EYA4: variants seen among roughly 807,000 people sequenced by gnomAD.
EYA4 encodes the protein EYA transcriptional coactivator and phosphatase 4, also known as protein phosphatase EYA4.
A neutral mutation model predicts 87.9 loss-of-function variants in EYA4; 31 were observed. The observed-to-expected ratio is 0.35, with a 90% confidence interval of 0.27 to 0.48. The LOEUF is 0.48. EYA4 is among the 20% of genes least tolerant of loss of function. EYA4 has a pLI of 0.99. For synonymous variants in EYA4, 263 were observed against 270.6 expected (o/e 0.97, Z 0.28); for missense variants, 678 against 761.4 (o/e 0.89, Z 1.29).
intron 1 of EYA4, among the ~76,000 whole-genome samples, chr6:133,259,555 T>C (rs982704126): frequency 6.6e-6 from 1 of 152,196 alleles, no homozygotes; most frequent in African/African-American, 2.4e-5. Context: ...GGAAAAAGGG[T>C]ACTCAAACTT....
intron 2 of EYA4, among the ~76,000 whole-genome samples, chr6:133,349,086 C>T (rs9402504): frequency 0.27 from 41,678 of 152,096 alleles, 5,863 homozygotes; most frequent in South Asian, 0.38. Flanking sequence ...ATGCACCTGC[C>T]TCAGGGCTTT....
intron 13 of EYA4, among the ~76,000 whole-genome samples, chr6:133,490,582 A>C (rs1161856454): frequency 6.6e-6 from 1 of 151,916 alleles, no homozygotes; most frequent in African/African-American, 2.4e-5. Flanking sequence ...AAGTAAAACA[A>C]AAAAAAACTA....
chr6:133,258,149 C>T (rs1338828941), intron 1 of EYA4, among the ~76,000 whole-genome samples: 1 of 152,106 alleles, frequency 6.6e-6, no homozygotes, highest in Non-Finnish European at 1.5e-5. Flanking sequence ...CTAGTTTGTT[C>T]AAGTGCTTGA....
chr6:133,263,975 T>C (rs1460760112), intron 1 of EYA4, among the ~76,000 whole-genome samples: 1 of 152,200 alleles, frequency 6.6e-6, no homozygotes, highest in Non-Finnish European at 1.5e-5. Flanking sequence ...CCCAAGGGTA[T>C]CTAGGGATTT....
chr6:133,465,047 T>G (rs895324599), intron 10 of EYA4, among the ~76,000 whole-genome samples, 189 bp downstream of exon 10: 4 of 152,172 alleles, frequency 2.6e-5, no homozygotes, highest in African/African-American at 9.6e-5. Flanking sequence ...CTGGCTATTT[T>G]AGATTTTTTG....
At chr6:133,423,648 T>C (rs753771603) in intron 3 of EYA4, among the ~76,000 whole-genome samples, 31 of 152,180 alleles carry the variant, frequency 2.0e-4, no homozygotes, top group Non-Finnish European at 1.0e-4. Context: ...ATCATTAAAA[T>C]CATTAAAAAC....
intron 11 of EYA4, among the ~76,000 whole-genome samples, chr6:133,475,435 A>G (rs374951196): frequency 2.6e-5 from 4 of 152,086 alleles, no homozygotes; most frequent in African/African-American, 9.7e-5. Context: ...AAACATTACA[A>G]TACATTAGCT....
intron 2 of EYA4, among the ~76,000 whole-genome samples, chr6:133,311,468 G>A (rs146603043): frequency 5.8e-4 from 88 of 152,000 alleles, no homozygotes; most frequent in African/African-American, 2.0e-3. Context: ...TGTGACTACG[G>A]GTGTATGCCA....
intron 3 of EYA4, among the ~76,000 whole-genome samples, chr6:133,407,359 T>A (rs1312439880): frequency 2.0e-5 from 3 of 151,560 alleles, no homozygotes; most frequent in Non-Finnish European, 4.4e-5. Context: ...TTGGACTAAA[T>A]GTTGAATGGG....
In EYA4 at chr6:133,528,857, T is replaced by G. The variant is rs1800841759; in HGVS notation, c.*52T>G. On this transcript the variant is annotated 3_prime_UTR_variant, in exon 20 of 20. Transcript: ENST00000355286. Reference sequence around the variant, plus strand: ...TTTTATATTTCAAGTACACTGAATTTTTATGTGTGATTCAATGCCTCTGGC... The same window carrying G: ...TTTTATATTTCAAGTACACTGAATTGTTATGTGTGATTCAATGCCTCTGGC... The G allele has an allele frequency of 2.5e-6, 4 of 1,611,336 alleles. No homozygotes were observed. The highest frequency in any genetic ancestry group is 3.4e-6 in the Non-Finnish European group (4 of 1,177,852).
At chr6:133,468,926 T>C (rs1437783564) in intron 11 of EYA4, among the ~76,000 whole-genome samples, 195 bp downstream of exon 11, 1 of 152,104 alleles carries the variant, frequency 6.6e-6, no homozygotes, top group African/African-American at 2.4e-5. Context: ...ATGGGACAGA[T>C]AGGCGATTTT....
At chr6:133,348,965 ACACAAACAGGCCCT>A in intron 2 of EYA4, among the ~76,000 whole-genome samples, 2 of 152,158 alleles carry the variant, frequency 1.3e-5, no homozygotes, top group African/African-American at 4.8e-5. Flanking sequence ...TTGAGGCTCT[ACACAAACAGGCCCT>A]TAGTTGCACC....
chr6:133,426,416 AT>A (rs1283999513), intron 3 of EYA4, among the ~76,000 whole-genome samples: 4 of 152,162 alleles, frequency 2.6e-5, no homozygotes, highest in African/African-American at 9.7e-5. Context: ...TGCCTCTTGT[AT>A]TTTACTTGTT....
At chr6:133,278,467 C>T (rs1290085920) in intron 2 of EYA4, among the ~76,000 whole-genome samples, 2 of 152,154 alleles carry the variant, frequency 1.3e-5, no homozygotes, top group Admixed American at 6.5e-5. Context: ...TCGTTCATCT[C>T]GTACTCTTAC....
At chr6:133,356,400 T>C (rs181531944) in intron 2 of EYA4, among the ~76,000 whole-genome samples, 1 of 152,336 alleles carries the variant, frequency 6.6e-6, no homozygotes, top group Admixed American at 6.5e-5. Flanking sequence ...TATGAATACA[T>C]ATTTTGATGT....
At chr6:133,310,991 T>A (rs192335558) in intron 2 of EYA4, among the ~76,000 whole-genome samples, 1 of 152,354 alleles carries the variant, frequency 6.6e-6, no homozygotes, top group Admixed American at 6.5e-5. Context: ...GCTCAGACTT[T>A]TCCCCTATAC....
chr6:133,363,547 T>A (rs1262643002), intron 2 of EYA4: 2 of 150,488 alleles, frequency 1.3e-5, no homozygotes, highest in African/African-American at 4.9e-5. Flanking sequence ...CGATCTAGGC[T>A]CACTGCAGGC....
chr6:133,416,239 G>A lies in EYA4; in HGVS notation c.84-30391G>A, dbSNP rs181431181. Among the ~76,000 whole-genome samples, 171 of 152,304 alleles carry A rather than the reference G, an allele frequency of 1.1e-3. 1 individual carries two copies. Among genetic ancestry groups the A allele is most frequent in the South Asian group, 8.3e-3 (40 of 4,826 alleles). ...GAAATTGGAGGCAGGAAAGATAATGGAAGGTTGTTGCATAGTACAGGGAGG... is the reference window on the plus strand; with the variant it reads ...GAAATTGGAGGCAGGAAAGATAATGAAAGGTTGTTGCATAGTACAGGGAGG... On this transcript the variant is annotated intron_variant, in intron 3 of 19. Coordinates refer to ENST00000355286, the MANE Select transcript of EYA4 (RefSeq NM_004100.5).
chr6:133,501,517 G>A (rs17062637), intron 13 of EYA4, among the ~76,000 whole-genome samples: 4 of 152,138 alleles, frequency 2.6e-5, no homozygotes, highest in East Asian at 1.9e-4. Context: ...TATCACAATT[G>A]TAAAATTTCT....
Sources: allele counts gnomAD v4.1 joint callset (sites outside exome capture counted in the v4.1 genomes callset), GRCh38; gene constraint gnomAD v4.1.1; transcripts MANE v1.5; gene names NCBI Gene and HGNC (gene_info 2026-07-23, HGNC 2026-07-21).